The following ZNF454 variants were observed in gnomAD, a reference collection of about 807,000 sequenced individuals.
ZNF454 encodes the protein zinc finger protein 454.
Under a neutral mutation model 48.2 loss-of-function variants are expected in ZNF454, and 30 were observed. The ratio of observed to expected loss-of-function variants is 0.62; its 90% CI spans 0.47 to 0.84. The LOEUF is 0.84. Ranked by LOEUF, ZNF454 falls within the 40% of genes least tolerant of loss-of-function variation. The pLI is 0.00. For synonymous variants in ZNF454, 204 were observed against 211.4 expected, an observed-to-expected ratio of 0.97 and a Z score of 0.30; for missense variants, 510 against 623.1, an observed-to-expected ratio of 0.82 and a Z score of 1.93.
chr5:178,984,739 C>G, the ZNF454 span, among the ~76,000 whole-genome samples: 7 of 152,120 alleles, frequency 4.6e-5, no homozygotes, highest in African/African-American at 1.7e-4. Context: ...GGAGCACCTC[C>G]TAGTCACGGA....
At chr5:178,988,335 G>A in the ZNF454 span, among the ~76,000 whole-genome samples, 1 of 152,226 alleles carries the variant, frequency 6.6e-6, no homozygotes, top group Non-Finnish European at 1.5e-5. This position sits in a 1 kb window ranked among gnomAD's most constrained non-coding sequence, Gnocchi z 6.0. Flanking sequence ...ATGGCGGAGA[G>A]AAGGTGGTGA....
At chr5:178,957,418 A>T (rs1392344704) in intron 4 of ZNF454, among the ~76,000 whole-genome samples, 8 of 150,388 alleles carry the variant, frequency 5.3e-5, no homozygotes, top group South Asian at 2.1e-4. Flanking sequence ...ATTTTATTTT[A>T]TTTTTTTTGG....
rs758391526 is a variant in ZNF454 at position 178,964,961 on chromosome 5, T to G, written c.557T>G (p.Val186Gly). 3 of 1,614,112 alleles carry G rather than the reference T, an allele frequency of 1.9e-6. No individual in the cohort carries two copies. Among genetic ancestry groups the G allele is most frequent in the African/African-American group, 2.7e-5 (2 of 74,934 alleles). ...TTTGAGTGTAGTGAGTGTGGAAAAG[T>G]CTTCTCTAAGAGTTCAACTCTTAAT... is the stretch of plus-strand genomic sequence containing the variant. ...NAFECSECGKVFSKSSTLNKH... is the reference protein window; with the variant it reads ...NAFECSECGKGFSKSSTLNKH... The change falls in exon 5 of 5, where the codon GTC (valine) becomes GGC (glycine). Residue 186 changes from valine (V) to glycine (G), a missense_variant. Around this residue, in one of 3 missense-constraint regions of ZNF454, gnomAD observed 354 missense variants for 408.9 expected, o/e 0.87. Coordinates refer to ENST00000519564, the MANE Select transcript of ZNF454 (RefSeq NM_001178089.3).
chr5:178,973,760 C>G, the ZNF454 span, among the ~76,000 whole-genome samples: 138,188 of 150,858 alleles, frequency 0.92, 64,229 homozygotes, highest in Non-Finnish European at 1. Flanking sequence ...GGAGAATGGC[C>G]TGAACCCAGG....
In ZNF454 at chr5:178,941,806, GA is replaced by G. The variant is rs1759100460; in HGVS notation, c.-108+363del. 6.6e-6 allele frequency among the ~76,000 whole-genome samples: 1 copy of G among 152,102 alleles called. No individual in the cohort carries two copies. On this transcript the variant is annotated intron_variant, in intron 1 of 4. Coordinates refer to ENST00000519564, the MANE Select transcript of ZNF454 (RefSeq NM_001178089.3). This position sits in a 1 kb window ranked among gnomAD's most constrained non-coding sequence, Gnocchi z 5.5. ...ACAAACGCCGCTTCTGCCCACCCGT[GA>G]CTCCAGGCCACCCAGACTGGGCCCC...
chr5:178,953,042 C>A (rs1451048977), intron 4 of ZNF454, among the ~76,000 whole-genome samples: 1 of 152,146 alleles, frequency 6.6e-6, no homozygotes, highest in East Asian at 1.9e-4. Context: ...CTAGAAGTAG[C>A]CACTCCCTCT....
chr5:178,985,863 G>A, the ZNF454 span: 1 of 550,430 alleles, frequency 1.8e-6, no homozygotes, highest in Non-Finnish European at 3.3e-6. Context: ...TTGGGCTCAA[G>A]CGATCCTCCT....
Position 178,946,188 on chromosome 5 carries a change from C to CT in ZNF454, c.34-170dup, listed in dbSNP as rs1221253979. On this transcript the variant is annotated intron_variant, in intron 2 of 4. Transcript: ENST00000519564. This position sits in a 1 kb window ranked among gnomAD's most constrained non-coding sequence, Gnocchi z 4.5. ...GTGGAGAGCAATGTCTAGTCCAAGG[C>CT]TAGGCCCCTAGGAGACCCTGAAGAG... 6.6e-6 allele frequency among the ~76,000 whole-genome samples: 1 copy of CT among 152,124 alleles called. No homozygotes were observed. Among genetic ancestry groups the CT allele is most frequent in the African/African-American group, 2.4e-5 (1 of 41,406 alleles).
chr5:178,942,519 GA>G, intron 1 of ZNF454, 165 bp from the exon 2 acceptor site: 1 of 401,370 alleles, frequency 2.5e-6, no homozygotes. Context: ...TTTCTGCAGG[GA>G]AAAGTCAATG....
downstream of ZNF454, among the ~76,000 whole-genome samples, chr5:178,970,457 C>T (rs1760220880): frequency 6.6e-6 from 1 of 152,222 alleles, no homozygotes; most frequent in Non-Finnish European, 1.5e-5. Context: ...CTCGGCGGTG[C>T]TGATGGTCCT....
the ZNF454 span, chr5:178,986,201 A>G: frequency 6.2e-7 from 1 of 1,614,078 alleles, no homozygotes; most frequent in Non-Finnish European, 8.5e-7. Flanking sequence ...GGTGTGACCG[A>G]GCGCTTGCCC....
At chr5:178,989,211 A>ACCCCCCCCC in the ZNF454 span, 1 of 121,742 alleles carries the variant, frequency 8.2e-6, no homozygotes, top group Non-Finnish European at 1.3e-5. Flanking sequence ...CCCCCTCCCC[A>ACCCCCCCCC]CCCTCACCAC....
In ZNF454 at chr5:178,965,587, GATA is replaced by G; in HGVS notation, c.1186_1188del (p.Asn396del). On this transcript the variant is annotated inframe_deletion, in exon 5 of 5. Transcript: ENST00000519564. This position sits in a 1 kb window ranked among gnomAD's most constrained non-coding sequence, Gnocchi z 5.2. ...TAATGAATGTGGGAAAGCTTTCAGG[GATA>G]ATTCATCCTTTGCACGACATCGGAA... 1 of 1,613,890 alleles carries G rather than the reference GATA, an allele frequency of 6.2e-7. No individual in the cohort carries two copies. Among genetic ancestry groups the G allele is most frequent in the Non-Finnish European group, 8.5e-7 (1 of 1,179,966 alleles).
the ZNF454 span, chr5:178,989,234 C>A: frequency 2.1e-6 from 3 of 1,424,084 alleles, no homozygotes; most frequent in South Asian, 2.4e-5. Flanking sequence ...TCCCCACCCT[C>A]CCCACCCTCA....
At chr5:178,989,731 CCTT>C in the ZNF454 span, 2 of 425,294 alleles carry the variant, frequency 4.7e-6, no homozygotes, top group South Asian at 4.3e-5. Flanking sequence ...TATCCCTGCT[CCTT>C]CTTTCCTGTT....
intron 4 of ZNF454, among the ~76,000 whole-genome samples, chr5:178,964,244 C>T (rs1760076844): frequency 6.6e-6 from 1 of 151,650 alleles, no homozygotes. Context: ...CCTCAGCCTC[C>T]TGAGTAGCTG....
At chr5:178,970,203 T>A (rs1287083553), downstream of ZNF454, among the ~76,000 whole-genome samples, 1 of 152,132 alleles carries the variant, frequency 6.6e-6, no homozygotes, top group African/African-American at 2.4e-5. Context: ...AGCCTCCCCT[T>A]ATCTGATTCC....
intron 2 of ZNF454, among the ~76,000 whole-genome samples, chr5:178,945,980 C>T (rs749728012): frequency 3.9e-5 from 6 of 151,928 alleles, no homozygotes; most frequent in South Asian, 4.2e-4. Context: ...GCTGAGCGAG[C>T]GGTGTTGAGT....
the ZNF454 span, chr5:178,988,878 C>G: frequency 6.8e-7 from 1 of 1,464,950 alleles, no homozygotes; most frequent in Non-Finnish European, 9.5e-7. The surrounding 1 kb of genome is among the most constrained non-coding windows in gnomAD (Gnocchi z 6.0). Flanking sequence ...GGCCTCACAG[C>G]AAAATCCAGC....
Sources: gnomAD v4.1 joint callset for allele counts (sites outside exome capture counted in the v4.1 genomes callset) on GRCh38, gnomAD v4.1.1 for gene constraint, gnomAD v4.1.1 regional missense constraint, Gnocchi (gnomAD v3.1) non-coding constraint, MANE v1.5 for transcripts, NCBI Gene and HGNC (gene_info 2026-07-23, HGNC 2026-07-21) for gene names.